Variants in HLCS observed in about 807,000 individuals in gnomAD.
HLCS encodes the protein holocarboxylase synthetase.
A neutral mutation model predicts 75.0 loss-of-function variants in HLCS; 53 were observed. That is an observed-to-expected ratio of 0.71 (90% CI 0.57 to 0.89). HLCS has a LOEUF of 0.89. Among genes scored for constraint, HLCS ranks in the 40% least tolerant of loss-of-function variants. The pLI, the probability that HLCS is intolerant of heterozygous loss-of-function variation, is 0.00. For missense variants in HLCS, 966 were observed against 1,074.0 expected, an observed-to-expected ratio of 0.90 and a Z score of 1.41; for synonymous variants, 431 against 428.6, an observed-to-expected ratio of 1.01 and a Z score of -0.07.
At chr21:36,961,615 A>C (rs1776777186) in intron 2 of HLCS, among the ~76,000 whole-genome samples, 1 of 152,186 alleles carries the variant, frequency 6.6e-6, no homozygotes, top group South Asian at 2.1e-4. Context: ...CAAAATATCC[A>C]AAGAGAAAGG....
Position 36,878,482 on chromosome 21 carries a change from T to TG in HLCS, c.1892+18377dup. Among the ~76,000 whole-genome samples, 2 of 152,320 alleles carry TG rather than the reference T, an allele frequency of 1.3e-5. 1 individual carries two copies. Among genetic ancestry groups the TG allele is most frequent in the South Asian group, 4.1e-4 (2 of 4,830 alleles). On this transcript the variant is annotated intron_variant, in intron 6 of 10. Transcript: ENST00000674895. ...AGTAAATAAACGAAACTACTACTACTGAGCACCTATTAAAGGTCAGAAATT... is the reference window on the plus strand; with the variant it reads ...AGTAAATAAACGAAACTACTACTACTGGAGCACCTATTAAAGGTCAGAAATT...
chr21:36,984,355 GTAA>G (rs1266770822), intron 1 of HLCS, among the ~76,000 whole-genome samples: 2 of 152,040 alleles, frequency 1.3e-5, no homozygotes, highest in South Asian at 2.1e-4. Flanking sequence ...ATAAAATAGG[GTAA>G]TAATAAACTA....
chr21:36,769,175 T>G (rs932427025), intron 6 of HLCS, among the ~76,000 whole-genome samples: 3 of 151,466 alleles, frequency 2.0e-5, no homozygotes, highest in African/African-American at 4.9e-5. Context: ...CTGCTAGAGG[T>G]TTGGCAGCAG....
At chr21:36,833,602 T>C (rs2062297132) in intron 6 of HLCS, among the ~76,000 whole-genome samples, 1 of 148,232 alleles carries the variant, frequency 6.7e-6, no homozygotes, top group African/African-American at 2.5e-5. Context: ...ATTATATATA[T>C]ATATATATAT....
At chr21:36,892,671 G>A (rs1425469817) in intron 6 of HLCS, among the ~76,000 whole-genome samples, 1 of 152,198 alleles carries the variant, frequency 6.6e-6, no homozygotes, top group African/African-American at 2.4e-5. Context: ...AGAAACTGCT[G>A]GCTGTTCCCC....
intron 5 of HLCS, among the ~76,000 whole-genome samples, chr21:36,911,235 C>A (rs977697214): frequency 1.3e-5 from 2 of 152,174 alleles, no homozygotes; most frequent in Admixed American, 6.5e-5. Flanking sequence ...CAGCAGCCAG[C>A]TGCACTCTGC....
At chr21:36,923,886 G>A (rs1243243295) in intron 5 of HLCS, among the ~76,000 whole-genome samples, 1 of 152,134 alleles carries the variant, frequency 6.6e-6, no homozygotes, top group Non-Finnish European at 1.5e-5. Flanking sequence ...GGCGAAGGAA[G>A]AAAGAAACGA....
At chr21:36,812,949 C>T (rs1190892381) in intron 6 of HLCS, among the ~76,000 whole-genome samples, 1 of 152,088 alleles carries the variant, frequency 6.6e-6, no homozygotes, top group Non-Finnish European at 1.5e-5. Context: ...GTCCCAGCTA[C>T]TTGGGAAGCT....
intron 5 of HLCS, among the ~76,000 whole-genome samples, chr21:36,926,217 C>T (rs2066399794): frequency 6.6e-6 from 1 of 152,140 alleles, no homozygotes. Context: ...ACTGGAACAT[C>T]CAAGCAGGGG....
chr21:36,859,009 G>A (rs2063295763), intron 6 of HLCS, among the ~76,000 whole-genome samples: 1 of 152,016 alleles, frequency 6.6e-6, no homozygotes, highest in Non-Finnish European at 1.5e-5. Context: ...CCCAATGTTT[G>A]GCTTGGAGTT....
chr21:36,754,566 TCTGA>T, intron 10 of HLCS, 149 bp from the exon 11 acceptor site: 2 of 782,892 alleles, frequency 2.6e-6, no homozygotes, highest in South Asian at 1.5e-5. Flanking sequence ...TGGGCTGAGC[TCTGA>T]CTTTCTTCCA....
rs1367904347 is a variant in HLCS, at chr21:36,762,378, G to A, written c.2122-2537C>T. 2.0e-5 allele frequency among the ~76,000 whole-genome samples: 3 copies of A among 152,164 alleles called. No homozygotes were observed. The East Asian group carries it at 5.8e-4, about 29-fold the overall frequency. On this transcript the variant is annotated intron_variant, in intron 8 of 10. Transcript: ENST00000674895. ...GGGTAGGGGTGTGTGGGTGGAGGGA[G>A]GGTGCGGGGCCCGGGGGGACTTCAT... is the stretch of plus-strand genomic sequence containing the variant.
At chr21:36,756,979 T>C in intron 9 of HLCS, 1 of 983,348 alleles carries the variant, frequency 1.0e-6, no homozygotes, top group Non-Finnish European at 1.2e-6. Flanking sequence ...ATCTCAACCT[T>C]ACTGCAAATA....
intron 6 of HLCS, among the ~76,000 whole-genome samples, chr21:36,789,512 AT>A (rs1199243130): frequency 9.2e-5 from 14 of 152,214 alleles, no homozygotes; most frequent in South Asian, 8.3e-4. Flanking sequence ...AAACTAGGAA[AT>A]TTCCATGTAA....
chr21:36,931,283 CAAAAAAAA>C (rs57829948), intron 4 of HLCS, among the ~76,000 whole-genome samples: 12 of 75,438 alleles, frequency 1.6e-4, no homozygotes, highest in Admixed American at 3.2e-4. Context: ...AACTCCATCG[CAAAAAAAA>C]AAAAAAAAAA....
Position 36,752,955 on chromosome 21 carries a change from A to T in HLCS, c.*1291T>A, listed in dbSNP as rs1281698496. 1 of 152,686 alleles carries T rather than the reference A, an allele frequency of 6.5e-6. No homozygotes were observed. The highest frequency in any genetic ancestry group is 6.5e-5 in the Admixed American group (1 of 15,284). 9.5% of individuals were successfully genotyped at this position (152,686 alleles called of 1,614,324 possible). On this transcript the variant is annotated 3_prime_UTR_variant, in exon 11 of 11. Coordinates refer to ENST00000674895, the MANE Select transcript of HLCS (RefSeq NM_001352514.2). ...CTGGGACTGGAAGAGAGAAAACTGG[A>T]CAAAAATTGGCCTTTTAAAAAGCTG...
intron 6 of HLCS, among the ~76,000 whole-genome samples, chr21:36,782,481 T>C (rs1171193651): frequency 1.3e-5 from 2 of 152,132 alleles, no homozygotes; most frequent in Non-Finnish European, 2.9e-5. Context: ...ACCTTAATAC[T>C]CCAGACAAAC....
rs554701711 is a variant in HLCS at position 36,898,736 on chromosome 21, G to C, written c.1621-1605C>G. ...ACAGTATGCATTAGACAGCAAACTG[G>C]AATTACTGTCAGTTTTAATAGGTGT... On this transcript the variant is annotated intron_variant, in intron 5 of 10. Transcript: ENST00000674895. Among the ~76,000 whole-genome samples the C allele has an allele frequency of 8.5e-5, 13 of 152,208 alleles. No individual in the cohort carries two copies. The East Asian group carries it at 2.5e-3, about 29-fold the overall frequency.
At chr21:36,911,680 C>T (rs551601237) in intron 5 of HLCS, among the ~76,000 whole-genome samples, 43 of 128,328 alleles carry the variant, frequency 3.4e-4, no homozygotes, top group African/African-American at 1.2e-3. Context: ...ACTCGGGAGG[C>T]GGAGCTTGCA....
Sources: gnomAD v4.1 joint callset for allele counts (sites outside exome capture counted in the v4.1 genomes callset) on GRCh38, gnomAD v4.1.1 for gene constraint, MANE v1.5 for transcripts, NCBI Gene and HGNC (gene_info 2026-07-23, HGNC 2026-07-21) for gene names.